Variants in DISC1 observed in about 807,000 individuals in gnomAD.
DISC1 encodes the protein DISC1 scaffold protein.
In DISC1, 57 loss-of-function variants were observed where a neutral mutation model predicts 84.5. That is an observed-to-expected ratio of 0.67 (90% CI 0.55 to 0.84). The LOEUF (loss-of-function observed/expected upper bound fraction) is 0.84, where lower values mean the gene tolerates loss of function less well. DISC1 is among the 40% of genes least tolerant of loss of function. The pLI is 0.00. For synonymous variants in DISC1, 411 were observed against 415.2 expected, an observed-to-expected ratio of 0.99 and a Z score of 0.12; for missense variants, 1,000 against 1,057.8, an observed-to-expected ratio of 0.95 and a Z score of 0.76.
chr1:231,821,993 G>A (rs1159862691), intron 9 of DISC1, among the ~76,000 whole-genome samples: 3 of 152,052 alleles, frequency 2.0e-5, no homozygotes, highest in Non-Finnish European at 4.4e-5. Context: ...GAGCCACCGC[G>A]CCCGGCCTAC....
intron 9 of DISC1, among the ~76,000 whole-genome samples, chr1:231,899,815 A>C (rs1199386705): frequency 6.6e-6 from 1 of 152,180 alleles, no homozygotes; most frequent in African/African-American, 2.4e-5. Flanking sequence ...AATATGGTAC[A>C]AATAGTTTTG....
intron 9 of DISC1, among the ~76,000 whole-genome samples, chr1:231,858,990 G>T (rs200065285): frequency 6.6e-6 from 1 of 152,196 alleles, no homozygotes; most frequent in Non-Finnish European, 1.5e-5. Flanking sequence ...TAACTCTTGA[G>T]TGCCCACTCA....
At chr1:231,639,824 G>C (rs2059487655) in intron 1 of DISC1, among the ~76,000 whole-genome samples, 1 of 152,206 alleles carries the variant, frequency 6.6e-6, no homozygotes, top group Non-Finnish European at 1.5e-5. Flanking sequence ...AGCCAGTCCT[G>C]CCTATAATCT....
chr1:231,821,890 G>A (rs1285026183), intron 9 of DISC1, among the ~76,000 whole-genome samples: 27 of 151,766 alleles, frequency 1.8e-4, no homozygotes, highest in Admixed American at 1.5e-3. Context: ...TAGTAGTGAC[G>A]GGGTTTCACC....
intron 9 of DISC1, among the ~76,000 whole-genome samples, chr1:231,851,347 C>T (rs1264696023): frequency 6.6e-6 from 1 of 152,166 alleles, no homozygotes; most frequent in Non-Finnish European, 1.5e-5. Context: ...CCTTGAGGAA[C>T]CTGAATGTAC....
chr1:231,859,459 G>A (rs1266700243), intron 9 of DISC1, among the ~76,000 whole-genome samples: 13 of 152,196 alleles, frequency 8.5e-5, no homozygotes, highest in African/African-American at 2.9e-4. Flanking sequence ...TGGAAGGGGC[G>A]AGGGAGCTCT....
At chr1:231,888,088 T>C (rs1223989013) in intron 9 of DISC1, among the ~76,000 whole-genome samples, 6 of 152,156 alleles carry the variant, frequency 3.9e-5, no homozygotes, top group Non-Finnish European at 8.8e-5. Flanking sequence ...TAAGGACACA[T>C]ACATATGAAG....
chr1:231,818,756 C>A, intron 9 of DISC1: 1 of 1,369,320 alleles, frequency 7.3e-7, no homozygotes, highest in Non-Finnish European at 9.4e-7. Flanking sequence ...CCTGTCTCAA[C>A]CTGTGTTTGC....
intron 9 of DISC1, among the ~76,000 whole-genome samples, chr1:231,886,779 CTTTCTT>C (rs2125994258): frequency 9.4e-6 from 1 of 106,372 alleles, no homozygotes; most frequent in African/African-American, 3.4e-5. Context: ...TTCTTTCTTT[CTTTCTT>C]TCTTTCTTTC....
chr1:231,723,810 C>T, intron 3 of DISC1: 1 of 985,432 alleles, frequency 1.0e-6, no homozygotes, highest in Non-Finnish European at 1.2e-6. Context: ...CTCCCTTCTT[C>T]CTCCCTCTTT....
chr1:231,678,209 T>C (rs1280917929), intron 1 of DISC1, among the ~76,000 whole-genome samples: 1 of 152,134 alleles, frequency 6.6e-6, no homozygotes, highest in Non-Finnish European at 1.5e-5. Context: ...ATTGGTCTCG[T>C]CTGAAGAAAG....
chr1:232,030,139 G>C (rs928843607), intron 12 of DISC1, among the ~76,000 whole-genome samples: 5 of 152,220 alleles, frequency 3.3e-5, no homozygotes, highest in Admixed American at 6.5e-5. Context: ...GAAGGGGACA[G>C]GAGGTGTGAC....
In DISC1 at chr1:231,844,926, C is replaced by CAAA. The variant is rs1175955587; in HGVS notation, c.1981+26423_1981+26425dup. ...TGGGCGACAGAGCAAGACTCTGACT[C>CAAA]AAAAAAAAAAAAAAAAGAAAAAAAA... On this transcript the variant is annotated intron_variant, in intron 9 of 12. Transcript: ENST00000439617. Among the ~76,000 whole-genome samples the CAAA allele has an allele frequency of 2.5e-4, 17 of 68,806 alleles. No homozygotes were observed. The East Asian group carries it at 6.7e-3, about 27-fold the overall frequency. 45.1% of individuals were successfully genotyped at this position (68,806 alleles called of 152,430 possible).
intron 6 of DISC1, chr1:231,771,359 C>T (rs915029584): frequency 2.0e-6 from 2 of 985,280 alleles, no homozygotes; most frequent in African/African-American, 3.5e-5. Context: ...CCCTCTCTCC[C>T]TTTGAGAACT....
At position 231,981,148 on chromosome 1, in the gene DISC1, T is replaced by C. The variant is rs146234055; in HGVS notation, c.2042+22260T>C. Among the ~76,000 whole-genome samples the C allele has an allele frequency of 2.3e-3, 349 of 152,286 alleles. 2 individuals carry two copies. The highest frequency in any genetic ancestry group is 8.3e-3 in the African/African-American group (343 of 41,554). Reference sequence around the variant, plus strand: ...TTGTAGAGATGGGGTCTTGCAATGTTGTTGAGACTGGCCTTGAACTCCTGA... The same window carrying C: ...TTGTAGAGATGGGGTCTTGCAATGTCGTTGAGACTGGCCTTGAACTCCTGA... On this transcript the variant is annotated intron_variant, in intron 10 of 12. Transcript: ENST00000439617.
intron 9 of DISC1, among the ~76,000 whole-genome samples, chr1:231,884,976 C>T (rs772380720): frequency 8.6e-5 from 13 of 152,040 alleles, no homozygotes; most frequent in South Asian, 2.1e-4. Flanking sequence ...TTTGTCCTTC[C>T]GTGTTCCACC....
At chr1:231,855,878 G>A in intron 9 of DISC1, among the ~76,000 whole-genome samples, 1 of 152,146 alleles carries the variant, frequency 6.6e-6, no homozygotes, top group Non-Finnish European at 1.5e-5. Context: ...CTCATTGCTA[G>A]TTAGGCCATT....
chr1:231,760,821 C>T (rs2075590100), intron 4 of DISC1, among the ~76,000 whole-genome samples: 1 of 152,190 alleles, frequency 6.6e-6, no homozygotes, highest in Non-Finnish European at 1.5e-5. Context: ...GCCAAGGGCA[C>T]TAGAGGGCCC....
chr1:231,898,598 A>C (rs1199759220), intron 9 of DISC1, among the ~76,000 whole-genome samples: 1 of 152,262 alleles, frequency 6.6e-6, no homozygotes, highest in African/African-American at 2.4e-5. Context: ...GTTGAAAATC[A>C]ACAAGTAAGG....
Sources: gnomAD v4.1 joint callset for allele counts (sites outside exome capture counted in the v4.1 genomes callset) on GRCh38, gnomAD v4.1.1 for gene constraint, MANE v1.5 for transcripts, NCBI Gene and HGNC (gene_info 2026-07-23, HGNC 2026-07-21) for gene names.